Variants in PRKG1 observed in about 807,000 individuals in gnomAD.
PRKG1 encodes the protein protein kinase cGMP-dependent 1, also known as cGMP-dependent protein kinase 1.
A neutral mutation model predicts 88.1 loss-of-function variants in PRKG1; 35 were observed. The ratio of observed to expected loss-of-function variants is 0.40; its 90% confidence interval spans 0.30 to 0.53. PRKG1 has a LOEUF of 0.53. Among genes scored for constraint, PRKG1 ranks in the 20% least tolerant of loss-of-function variants. PRKG1 has a pLI of 0.59. For missense variants in PRKG1, 540 were observed against 839.8 expected (o/e 0.64, Z 4.41); for synonymous variants, 303 against 292.5 (o/e 1.04, Z -0.37).
rs35562284 is a variant in PRKG1 at position 51,113,944 on chromosome 10, CGTGTGTGTGTGT to C, written c.311+39074_311+39085del. ...ACTTCAGAAAAAGTCAGCCTGTAAA[CGTGTGTGTGTGT>C]GTGTGTGTGTGTGTGTGTGTGTGTG... is the stretch of plus-strand genomic sequence containing the variant. On this transcript the variant is annotated intron_variant, in intron 1 of 17. Transcript: ENST00000373980. Among the ~76,000 whole-genome samples, 963 of 139,122 alleles carry C rather than the reference CGTGTGTGTGTGT, an allele frequency of 6.9e-3. 3 individuals are homozygous for C. Among genetic ancestry groups the C allele is most frequent in the Middle Eastern group, 0.033 (9 of 276 alleles). 91.3% of individuals were successfully genotyped at this position (139,122 alleles called of 152,430 possible). A position where few individuals can be genotyped will look rare whatever the true frequency, so the allele number is the denominator to read the frequency against.
chr10:52,023,438 G>T (rs936618669), intron 5 of PRKG1, among the ~76,000 whole-genome samples: 10 of 152,250 alleles, frequency 6.6e-5, no homozygotes, highest in Admixed American at 5.2e-4. Flanking sequence ...CCCAGTAATG[G>T]GATTGCTGGG....
intron 2 of PRKG1, among the ~76,000 whole-genome samples, chr10:51,278,592 T>C (rs1327957761): frequency 6.6e-6 from 1 of 152,298 alleles, no homozygotes; most frequent in African/African-American, 2.4e-5. Context: ...CCTGGACTTT[T>C]TTTGGTTGGT....
intron 2 of PRKG1, among the ~76,000 whole-genome samples, chr10:51,374,967 G>T (rs1019652687): frequency 6.6e-6 from 1 of 152,090 alleles, no homozygotes; most frequent in South Asian, 2.1e-4. Flanking sequence ...CTTCATCAAA[G>T]TCAGAAGGAG....
chr10:51,650,437 T>A (rs1210660912), intron 3 of PRKG1, among the ~76,000 whole-genome samples: 1 of 152,230 alleles, frequency 6.6e-6, no homozygotes, highest in Non-Finnish European at 1.5e-5. Context: ...GAAAAAATTT[T>A]CTTGTATAAC....
chr10:51,063,680 G>A (rs1413270850), intron 1 of PRKG1, among the ~76,000 whole-genome samples: 4 of 152,070 alleles, frequency 2.6e-5, no homozygotes, highest in Admixed American at 2.0e-4. Flanking sequence ...TATAAAAGTG[G>A]CAAGCTTCCA....
chr10:52,016,332 G>A (rs915172612), intron 5 of PRKG1, among the ~76,000 whole-genome samples: 7 of 152,152 alleles, frequency 4.6e-5, no homozygotes, highest in Non-Finnish European at 7.4e-5. Flanking sequence ...AGAGGACAAT[G>A]GGGAATCTGC....
intron 1 of PRKG1, among the ~76,000 whole-genome samples, chr10:50,995,327 T>C (rs1288945736): frequency 8.5e-5 from 13 of 152,294 alleles, no homozygotes; most frequent in Admixed American, 7.8e-4. Flanking sequence ...ATCTAAGGAA[T>C]GCTTAGATGA....
At chr10:52,067,257 A>C (rs1359732264) in intron 7 of PRKG1, among the ~76,000 whole-genome samples, 1 of 152,196 alleles carries the variant, frequency 6.6e-6, no homozygotes, top group Non-Finnish European at 1.5e-5. Context: ...TACAGAACAG[A>C]ATTTCAGATT....
intron 4 of PRKG1, among the ~76,000 whole-genome samples, chr10:51,901,781 A>G (rs1841986114): frequency 6.6e-6 from 1 of 152,208 alleles, no homozygotes. Flanking sequence ...TAACATAATA[A>G]TGGAAATTAT....
chr10:51,467,121 T>C (rs964095792), intron 2 of PRKG1, among the ~76,000 whole-genome samples: 1 of 152,070 alleles, frequency 6.6e-6, no homozygotes, highest in African/African-American at 2.4e-5. Flanking sequence ...TTCCAAGTCC[T>C]TTATCAAACA....
intron 2 of PRKG1, among the ~76,000 whole-genome samples, chr10:51,378,084 T>G (rs980230983): frequency 2.0e-5 from 3 of 152,222 alleles, no homozygotes; most frequent in African/African-American, 7.2e-5. Flanking sequence ...TCTGTTTGCT[T>G]TAGCCTTGGC....
rs190787719 is a variant in PRKG1 at position 51,496,243 on chromosome 10, G to A, written c.592+28407G>A. On this transcript the variant is annotated intron_variant, in intron 3 of 17. Transcript: ENST00000373980. ...GACTGACTCAATGTGTTTATTGTGT[G>A]GAAGAATAGAGAGGTTCATTTTAGT... Among the ~76,000 whole-genome samples, 350 of 152,250 alleles carry A rather than the reference G, an allele frequency of 2.3e-3. 1 individual carries two copies. Among genetic ancestry groups the A allele is most frequent in the African/African-American group, 7.9e-3 (330 of 41,546 alleles).
intron 9 of PRKG1, among the ~76,000 whole-genome samples, chr10:52,249,588 G>A (rs1239371034): frequency 6.6e-6 from 1 of 152,068 alleles, no homozygotes; most frequent in South Asian, 2.1e-4. Flanking sequence ...AATTTTGGGG[G>A]TGCTTTCAAG....
intron 3 of PRKG1, among the ~76,000 whole-genome samples, chr10:51,581,419 T>A (rs550419364): frequency 6.6e-6 from 1 of 152,222 alleles, no homozygotes; most frequent in East Asian, 1.9e-4. Flanking sequence ...TAAAGAGGCC[T>A]AGAATAGCCA....
chr10:51,125,557 C>CT (rs1364380456), intron 1 of PRKG1, among the ~76,000 whole-genome samples: 1 of 149,212 alleles, frequency 6.7e-6, no homozygotes, highest in Non-Finnish European at 1.5e-5. Flanking sequence ...TGGCGGGTGC[C>CT]TGTAATCCCA....
chr10:52,067,743 G>T (rs866063946), intron 7 of PRKG1, among the ~76,000 whole-genome samples: 2 of 149,670 alleles, frequency 1.3e-5, no homozygotes, highest in Non-Finnish European at 3.0e-5. Context: ...TCCTTGCTCT[G>T]ATAAGTGTTT....
intron 2 of PRKG1, among the ~76,000 whole-genome samples, chr10:51,425,478 G>GT (rs1036024927): frequency 6.6e-6 from 1 of 152,182 alleles, no homozygotes; most frequent in African/African-American, 2.4e-5. Context: ...ATTTTCTTCA[G>GT]TTTTTTCAGT....
chr10:51,086,572 T>A (rs369442211), intron 1 of PRKG1, among the ~76,000 whole-genome samples: 2 of 152,198 alleles, frequency 1.3e-5, no homozygotes, highest in Non-Finnish European at 2.9e-5. Context: ...AAATTCATAT[T>A]CTATTCATTA....
chr10:52,060,507 T>A (rs6480705), intron 6 of PRKG1, among the ~76,000 whole-genome samples: 151,857 of 151,858 alleles, frequency 1, 75,928 homozygotes, highest in Non-Finnish European at 1. Flanking sequence ...ATAGAAAAAT[T>A]GGCAAAAAGC....
Sources: allele counts gnomAD v4.1 joint callset (sites outside exome capture counted in the v4.1 genomes callset), GRCh38; gene constraint gnomAD v4.1.1; transcripts MANE v1.5; gene names NCBI Gene and HGNC (gene_info 2026-07-23, HGNC 2026-07-21).